Variants in RBFOX3 observed in about 807,000 individuals in gnomAD.
RBFOX3 encodes the protein RNA binding fox-1 homolog 3, also known as RNA binding protein fox-1 homolog 3.
In RBFOX3, 17 loss-of-function variants were observed where a neutral mutation model predicts 48.7. The ratio of observed to expected loss-of-function variants is 0.35; its 90% CI spans 0.24 to 0.52. The LOEUF (loss-of-function observed/expected upper bound fraction) is 0.52, where lower values mean the gene tolerates loss of function less well. Ranked by LOEUF, RBFOX3 falls within the 20% of genes least tolerant of loss-of-function variation. The probability of loss-of-function intolerance (pLI) is 0.94; values close to 1 mark genes in which losing one functional copy is unlikely to be tolerated. For missense variants in RBFOX3, 382 were observed against 497.5 expected (o/e 0.77, Z 2.21); for synonymous variants, 212 against 209.5 (o/e 1.01, Z -0.10).
rs758966896 is a variant in RBFOX3 at position 79,474,910 on chromosome 17, C to T, written c.-175+7544G>A. ...TGGGCCTGACTCCTACCTTTCCTTC[C>T]AATTCATTCCTTCCACACCTCAAGA... is the stretch of plus-strand genomic sequence containing the variant. On this transcript the variant is annotated intron_variant, in intron 2 of 14. Coordinates refer to ENST00000693108, the MANE Select transcript of RBFOX3 (RefSeq NM_001350451.2). 5.7e-3 allele frequency among the ~76,000 whole-genome samples: 865 copies of T among 152,220 alleles called. 6 individuals are homozygous for T. The highest frequency in any genetic ancestry group is 6.0e-3 in the Non-Finnish European group (409 of 68,026).
intron 4 of RBFOX3, among the ~76,000 whole-genome samples, chr17:79,170,143 AAGGAAGGAAGGGAGGAGGAAGG>A (rs1555728704): frequency 9.0e-6 from 1 of 111,244 alleles, no homozygotes; most frequent in African/African-American, 4.2e-5. Flanking sequence ...GGAAGGAGGG[AAGGAAGGAAGGGAGGAGGAAGG>A]AGGAAGGAAG....
At chr17:79,445,131 T>C (rs2071971409) in intron 2 of RBFOX3, among the ~76,000 whole-genome samples, 1 of 152,158 alleles carries the variant, frequency 6.6e-6, no homozygotes, top group Non-Finnish European at 1.5e-5. Context: ...ACAGACTCCA[T>C]TTTGTGGACC....
chr17:79,493,763 G>T (rs1274612989), intron 1 of RBFOX3, among the ~76,000 whole-genome samples: 1 of 152,104 alleles, frequency 6.6e-6, no homozygotes, highest in Non-Finnish European at 1.5e-5. Flanking sequence ...TATATTTGTT[G>T]GATAAATGGA....
intron 2 of RBFOX3, among the ~76,000 whole-genome samples, chr17:79,466,339 A>T (rs1353639831): frequency 6.6e-6 from 1 of 152,214 alleles, no homozygotes; most frequent in African/African-American, 2.4e-5. Context: ...GAGCACAGGC[A>T]GTGGAAGGGA....
chr17:79,532,307 G>T (rs891965268), intron 1 of RBFOX3, among the ~76,000 whole-genome samples: 8 of 152,222 alleles, frequency 5.3e-5, no homozygotes, highest in Non-Finnish European at 1.2e-4. Flanking sequence ...CCAGCTCCAG[G>T]CTGGGACTCC....
intron 1 of RBFOX3, among the ~76,000 whole-genome samples, chr17:79,543,954 G>T (rs2090061389): frequency 6.6e-6 from 1 of 152,174 alleles, no homozygotes; most frequent in Admixed American, 6.5e-5. Flanking sequence ...TGAGAGAGGG[G>T]AAGTCAGAGC....
intron 3 of RBFOX3, among the ~76,000 whole-genome samples, chr17:79,304,708 C>A (rs1217024057): frequency 6.6e-6 from 1 of 152,148 alleles, no homozygotes; most frequent in Non-Finnish European, 1.5e-5. Context: ...AGTCCCCAGA[C>A]CCTTCTAACC....
chr17:79,602,432 T>C (rs2093725567), intron 1 of RBFOX3, among the ~76,000 whole-genome samples: 1 of 152,220 alleles, frequency 6.6e-6, no homozygotes, highest in South Asian at 2.1e-4. Context: ...ATAGCACCCC[T>C]GCGAGGAACA....
chr17:79,419,174 T>C (rs1196394847), intron 2 of RBFOX3, among the ~76,000 whole-genome samples: 14 of 152,096 alleles, frequency 9.2e-5, no homozygotes, highest in Non-Finnish European at 2.1e-4. Flanking sequence ...TGTGCACACA[T>C]GTGTGTATGG....
rs139435514 is a variant in RBFOX3, at chr17:79,133,460, C to G, written c.-33-17712G>C. Among the ~76,000 whole-genome samples, 189 of 152,292 alleles carry G rather than the reference C, an allele frequency of 1.2e-3. 3 individuals are homozygous for G. The East Asian group carries it at 0.031, about 25-fold the overall frequency. ...GGACACCATGGTGAAAAACACCACC[C>G]CATGTGGTGTCATGGACAGGCTTTG... is the stretch of plus-strand genomic sequence containing the variant. On this transcript the variant is annotated intron_variant, in intron 4 of 14. Coordinates refer to ENST00000693108, the MANE Select transcript of RBFOX3 (RefSeq NM_001350451.2).
chr17:79,291,280 T>G (rs1567986203), intron 3 of RBFOX3, among the ~76,000 whole-genome samples: 1 of 152,238 alleles, frequency 6.6e-6, no homozygotes, highest in East Asian at 1.9e-4. Flanking sequence ...CTCTCAGATG[T>G]GCCCTGGGTG....
chr17:79,478,999 A>T (rs1336923901), intron 2 of RBFOX3, among the ~76,000 whole-genome samples: 1 of 151,880 alleles, frequency 6.6e-6, no homozygotes, highest in African/African-American at 2.4e-5. Flanking sequence ...TGAAGCAAGG[A>T]CTCGCCTGCA....
intron 1 of RBFOX3, among the ~76,000 whole-genome samples, chr17:79,516,770 G>A (rs934311658): frequency 3.3e-5 from 5 of 152,320 alleles, no homozygotes; most frequent in South Asian, 4.1e-4. Flanking sequence ...ACGGACAGAC[G>A]GATGGACGCG....
chr17:79,488,304 C>G (rs2079963024), intron 1 of RBFOX3, among the ~76,000 whole-genome samples: 1 of 152,200 alleles, frequency 6.6e-6, no homozygotes, highest in African/African-American at 2.4e-5. Flanking sequence ...TGAGGCATCA[C>G]AGAGAGGCAG....
intron 2 of RBFOX3, among the ~76,000 whole-genome samples, chr17:79,474,423 C>T (rs1316070286): frequency 6.6e-6 from 1 of 152,230 alleles, no homozygotes; most frequent in Admixed American, 6.5e-5. Context: ...CATCCTGGAA[C>T]ACGAGGACTA....
intron 3 of RBFOX3, among the ~76,000 whole-genome samples, chr17:79,294,384 C>T (rs2073963805): frequency 1.3e-5 from 2 of 152,110 alleles, no homozygotes; most frequent in Admixed American, 1.3e-4. Context: ...GATCTCTGCT[C>T]ACTGCAACCT....
At position 79,154,368 on chromosome 17, in the gene RBFOX3, C is replaced by T. The variant is rs576053483; in HGVS notation, c.-33-38620G>A. On this transcript the variant is annotated intron_variant, in intron 4 of 14. Transcript: ENST00000693108. ...TGTTAGCCCTCTGTCTCGGGGACCC[C>T]GCAGACTGTGAGCCTGTGAGGACCA... 7.2e-5 allele frequency among the ~76,000 whole-genome samples: 11 copies of T among 152,350 alleles called. No individual in the cohort carries two copies. In the South Asian group the frequency reaches 2.1e-3, roughly 29 times the overall value.
rs536137045 is a variant in RBFOX3 at position 79,266,851 on chromosome 17, G to A, written c.-73-31046C>T. 5.9e-5 allele frequency among the ~76,000 whole-genome samples: 9 copies of A among 152,228 alleles called. No individual in the cohort carries two copies. In the East Asian group the frequency reaches 9.7e-4, roughly 16 times the overall value. On this transcript the variant is annotated intron_variant, in intron 3 of 14. Transcript: ENST00000693108. The stretch of plus-strand genomic sequence containing the variant: ...GCTTGGCGAACACGTGGGTGTGCCT[G>A]GAGAGTGATGGGGTGAGGGCATAGG...
intron 1 of RBFOX3, among the ~76,000 whole-genome samples, chr17:79,512,628 C>T (rs1173384084): frequency 2.7e-5 from 4 of 147,512 alleles, no homozygotes; most frequent in Non-Finnish European, 6.0e-5. Context: ...CACCCGGATA[C>T]ATGTTACCAT....
Sources: gnomAD v4.1 joint callset for allele counts (sites outside exome capture counted in the v4.1 genomes callset) on GRCh38, gnomAD v4.1.1 for gene constraint, MANE v1.5 for transcripts, NCBI Gene and HGNC (gene_info 2026-07-23, HGNC 2026-07-21) for gene names.